MYO18B: variants seen among roughly 807,000 people sequenced by gnomAD.
MYO18B encodes unconventional myosin-XVIIIb.
In MYO18B, 204 loss-of-function variants were observed where a neutral mutation model predicts 273.0. The ratio of observed to expected loss-of-function variants is 0.75; its 90% confidence interval spans 0.67 to 0.84. The LOEUF is 0.84. Among genes scored for constraint, MYO18B ranks in the 40% least tolerant of loss-of-function variants. MYO18B has a pLI of 0.00. For synonymous variants in MYO18B, 1,330 were observed against 1,305.7 expected, an observed-to-expected ratio of 1.02 and a Z score of -0.40; for missense variants, 3,212 against 3,287.6, an observed-to-expected ratio of 0.98 and a Z score of 0.56.
intron 42 of MYO18B, chr22:26,006,654 A>T (rs1934443308): frequency 6.4e-6 from 1 of 155,092 alleles, no homozygotes; most frequent in South Asian, 2.1e-4. Context: ...AAAAAATAAT[A>T]TTCCAATTCT....
intron 12 of MYO18B, among the ~76,000 whole-genome samples, chr22:25,801,955 A>G (rs1252445623): frequency 1.3e-5 from 2 of 152,152 alleles, no homozygotes; most frequent in African/African-American, 4.8e-5. Context: ...CCACCTCCCA[A>G]GTACCCTGTG....
intron 31 of MYO18B, among the ~76,000 whole-genome samples, 190 bp downstream of exon 31, chr22:25,904,021 G>A (rs2091990311): frequency 6.6e-6 from 1 of 152,084 alleles, no homozygotes; most frequent in South Asian, 2.1e-4. Flanking sequence ...CCCCTGCAAG[G>A]TTCAGTGTCA....
At chr22:25,927,565 T>C (rs527499520) in intron 34 of MYO18B, among the ~76,000 whole-genome samples, 2 of 152,324 alleles carry the variant, frequency 1.3e-5, no homozygotes, top group African/African-American at 4.8e-5. Flanking sequence ...TAATTTCGCC[T>C]CGGTCCTGTG....
At chr22:25,998,891 A>T (rs1307405663) in intron 40 of MYO18B, among the ~76,000 whole-genome samples, 3 of 152,200 alleles carry the variant, frequency 2.0e-5, no homozygotes, top group African/African-American at 7.2e-5. Flanking sequence ...ATGATGCTGC[A>T]TAGACCACCT....
intron 12 of MYO18B, among the ~76,000 whole-genome samples, chr22:25,803,967 AACACACACACACACAC>A (rs151023852): frequency 1.3e-4 from 18 of 136,960 alleles, no homozygotes; most frequent in East Asian, 8.8e-4. Context: ...TGACCCAGTG[AACACACACACACACAC>A]ACACACACAC....
At chr22:25,836,370 G>C (rs1317712988) in intron 17 of MYO18B, among the ~76,000 whole-genome samples, 2 of 152,146 alleles carry the variant, frequency 1.3e-5, no homozygotes, top group Non-Finnish European at 2.9e-5. Flanking sequence ...TTTGTCACCG[G>C]GGTCAAGGTG....
chr22:25,957,537 G>A (rs753828014), intron 39 of MYO18B, among the ~76,000 whole-genome samples: 1 of 152,246 alleles, frequency 6.6e-6, no homozygotes, highest in African/African-American at 2.4e-5. Context: ...TGAAAGGAGT[G>A]TTCGTTTCCT....
the MYO18B span, among the ~76,000 whole-genome samples, chr22:26,062,408 G>A: frequency 2.0e-5 from 3 of 152,146 alleles, no homozygotes; most frequent in Non-Finnish European, 4.4e-5. Context: ...TAGTGGGCCA[G>A]GGGTCTAATG....
intron 42 of MYO18B, among the ~76,000 whole-genome samples, chr22:26,013,603 CA>C (rs1052478515): frequency 3.3e-4 from 51 of 152,278 alleles, no homozygotes; most frequent in African/African-American, 1.2e-3. Context: ...TAAATACTGT[CA>C]AAACAGTCAT....
chr22:25,758,475 A>T (rs1393837328), intron 1 of MYO18B, among the ~76,000 whole-genome samples: 8 of 152,066 alleles, frequency 5.3e-5, no homozygotes, highest in Admixed American at 5.2e-4. Context: ...AAGAAGAAAA[A>T]AAAAAAGCAA....
chr22:26,004,139 C>T (rs746449499), intron 41 of MYO18B, among the ~76,000 whole-genome samples: 1 of 151,574 alleles, frequency 6.6e-6, no homozygotes, highest in Non-Finnish European at 1.5e-5. Flanking sequence ...TAAATATACA[C>T]ACATACATAT....
chr22:25,945,155 G>A (rs1344217211), intron 34 of MYO18B, among the ~76,000 whole-genome samples: 3 of 152,192 alleles, frequency 2.0e-5, no homozygotes, highest in Admixed American at 6.5e-5. Flanking sequence ...ATGCTCACAT[G>A]CAGAATATTT....
chr22:25,848,920 T>G (rs2090338926), intron 20 of MYO18B, among the ~76,000 whole-genome samples: 1 of 152,186 alleles, frequency 6.6e-6, no homozygotes, highest in African/African-American at 2.4e-5. Context: ...CTCCCCCTGC[T>G]GGGTTAATAA....
chr22:25,774,123 T>C (rs1328707438), intron 7 of MYO18B, among the ~76,000 whole-genome samples: 1 of 152,022 alleles, frequency 6.6e-6, no homozygotes, highest in East Asian at 1.9e-4. Flanking sequence ...AATCCATCCC[T>C]AGTCCCTGAG....
At chr22:25,954,647 G>A (rs1249002632) in intron 38 of MYO18B, among the ~76,000 whole-genome samples, 1 of 152,158 alleles carries the variant, frequency 6.6e-6, no homozygotes, top group Non-Finnish European at 1.5e-5. Context: ...TGAACCCAGA[G>A]GGTCTTGGGG....
intron 27 of MYO18B, among the ~76,000 whole-genome samples, chr22:25,893,936 C>T (rs193007495): frequency 3.3e-5 from 5 of 152,178 alleles, no homozygotes; most frequent in Admixed American, 1.3e-4. Flanking sequence ...AACATCCATC[C>T]ATCCATCCAT....
chr22:25,817,198 C>CTT (rs1380116057), intron 12 of MYO18B, among the ~76,000 whole-genome samples: 2 of 146,100 alleles, frequency 1.4e-5, no homozygotes, highest in Non-Finnish European at 3.1e-5. Flanking sequence ...CCCTTCCTCC[C>CTT]TTTTTCTTTC....
In MYO18B at chr22:25,911,072, A is replaced by G; in HGVS notation, c.5364+22A>G. On this transcript the variant is annotated intron_variant, in intron 33 of 43. Coordinates refer to ENST00000335473, the MANE Select transcript of MYO18B (RefSeq NM_032608.7). ...CCAGGTAAGGGGGAGACATTGGCAG[A>G]CATTCAGAGGAGTATCTCAGGGACC... 3 of 1,552,498 alleles carry G rather than the reference A, an allele frequency of 1.9e-6. 1 individual carries two copies. In the South Asian group the frequency reaches 3.5e-5, roughly 18 times the overall value.
Position 25,759,280 on chromosome 22 carries a change from C to A in MYO18B, c.-109-1704C>A, listed in dbSNP as rs191387372. On this transcript the variant is annotated intron_variant, in intron 1 of 43. Transcript: ENST00000335473. ...CACAATAGCAAAGACTTGGAACGAA[C>A]CCCAATGTCCATCAGTGATAGACTA... is the stretch of plus-strand genomic sequence containing the variant. 5.3e-5 allele frequency among the ~76,000 whole-genome samples: 8 copies of A among 152,158 alleles called. No homozygotes were observed. The East Asian group carries it at 1.5e-3, about 29-fold the overall frequency.
Sources: gnomAD v4.1 joint callset for allele counts (sites outside exome capture counted in the v4.1 genomes callset) on GRCh38, gnomAD v4.1.1 for gene constraint, MANE v1.5 for transcripts, NCBI Gene and HGNC (gene_info 2026-07-23, HGNC 2026-07-21) for gene names.